DMD: variants seen among roughly 807,000 people sequenced by gnomAD.
DMD encodes mutant dystrophin.
In DMD, 63 loss-of-function variants were observed where a neutral mutation model predicts 330.1. The ratio of observed to expected loss-of-function variants is 0.19; its 90% CI spans 0.16 to 0.24. The LOEUF is 0.24. Ranked by LOEUF, DMD falls within the 10% of genes least tolerant of loss-of-function variation. The probability of loss-of-function intolerance (pLI) is 1.00; values close to 1 mark genes in which losing one functional copy is unlikely to be tolerated. For synonymous variants in DMD, 1,223 were observed against 959.8 expected, an observed-to-expected ratio of 1.27 and a Z score of -5.07; for missense variants, 3,344 against 2,684.1, an observed-to-expected ratio of 1.25 and a Z score of -5.43.
intron 1 of DMD, among the ~76,000 whole-genome samples, chrX:33,197,615 C>CTGTTCTTAA (rs1287347626): frequency 2.7e-5 from 3 of 112,054 alleles, no homozygotes; most frequent in Non-Finnish European, 5.6e-5. Context: ...CAACCAATAT[C>CTGTTCTTAA]TGTTCTTAAT....
At chrX:32,170,769 C>T (rs2096884853) in intron 44 of DMD, among the ~76,000 whole-genome samples, 2 of 110,410 alleles carry the variant, frequency 1.8e-5, no homozygotes, top group Admixed American at 9.8e-5. Context: ...TCTGTCTCTA[C>T]CAAATGAATA....
intron 1 of DMD, among the ~76,000 whole-genome samples, chrX:33,272,060 T>C (rs2053166737): frequency 9.1e-6 from 1 of 110,194 alleles, no homozygotes; most frequent in African/African-American, 3.3e-5. Context: ...ATTTTTGTAT[T>C]TTTAGTAGAG....
intron 42 of DMD, among the ~76,000 whole-genome samples, chrX:32,290,981 T>A (rs73462023): frequency 0.028 from 3,125 of 111,643 alleles, 118 homozygotes; most frequent in African/African-American, 0.095. Context: ...AGTAGACATA[T>A]CTGAGTAGTA....
intron 21 of DMD, among the ~76,000 whole-genome samples, chrX:32,482,489 C>T (rs990725526): frequency 8.9e-6 from 1 of 111,838 alleles, no homozygotes; most frequent in Non-Finnish European, 1.9e-5. Context: ...TACTTTCTCC[C>T]TTTTTATTGC....
intron 51 of DMD, among the ~76,000 whole-genome samples, chrX:31,743,750 G>A (rs1171423681): frequency 1.8e-5 from 2 of 111,887 alleles, no homozygotes; most frequent in African/African-American, 6.5e-5. Context: ...CTCAGTACCT[G>A]GGTGACAGTA....
intron 3 of DMD, among the ~76,000 whole-genome samples, chrX:32,846,261 C>G (rs1461639411): frequency 8.9e-6 from 1 of 111,944 alleles, no homozygotes; most frequent in Non-Finnish European, 1.9e-5. Flanking sequence ...TACCATATAA[C>G]TAATAATTGG....
chrX:33,274,808 C>T (rs773694954), intron 1 of DMD, among the ~76,000 whole-genome samples: 3 of 111,515 alleles, frequency 2.7e-5, no homozygotes, highest in African/African-American at 9.8e-5. Context: ...ATCTGTATAT[C>T]TGCCTCCTCC....
At chrX:32,108,823 A>G (rs1401103583) in intron 44 of DMD, among the ~76,000 whole-genome samples, 2 of 111,793 alleles carry the variant, frequency 1.8e-5, no homozygotes, top group Non-Finnish European at 3.8e-5. Context: ...ATTAGTTAAG[A>G]ACACAAGGAG....
chrX:31,403,054 C>T (rs1183510762), intron 60 of DMD, among the ~76,000 whole-genome samples: 1 of 111,803 alleles, frequency 8.9e-6, no homozygotes, highest in Non-Finnish European at 1.9e-5. Context: ...ATGCTAGTAT[C>T]ACTAGGAAAA....
chrX:33,238,501 T>C (rs900278698), intron 1 of DMD, among the ~76,000 whole-genome samples: 1 of 111,346 alleles, frequency 9.0e-6, no homozygotes, highest in Non-Finnish European at 1.9e-5. Context: ...CCCCTGTTTG[T>C]GTGTGTATGT....
chrX:33,269,345 C>T (rs1372717917), intron 1 of DMD, among the ~76,000 whole-genome samples: 1 of 110,868 alleles, frequency 9.0e-6, no homozygotes, highest in East Asian at 2.8e-4. Flanking sequence ...GAACAGAAAA[C>T]CAAATGCCAC....
intron 49 of DMD, among the ~76,000 whole-genome samples, chrX:31,824,094 T>A (rs751807533): frequency 9.0e-6 from 1 of 111,499 alleles, no homozygotes; most frequent in African/African-American, 3.3e-5. Flanking sequence ...CAAAAAACCC[T>A]GCTGATCATA....
chrX:32,040,929 T>C (rs1229907237), intron 44 of DMD, among the ~76,000 whole-genome samples: 3 of 111,106 alleles, frequency 2.7e-5, no homozygotes, highest in Admixed American at 9.6e-5. Flanking sequence ...CGTGCATCCA[T>C]AAGATAACAA....
At position 32,287,607 on chromosome X, in the gene DMD, C is replaced by T. The variant is rs774825173; in HGVS notation, c.6212G>A (p.Arg2071Lys). 24 of 1,208,697 alleles carry T rather than the reference C, an allele frequency of 2.0e-5. No homozygotes were observed. Among genetic ancestry groups the T allele is most frequent in the Non-Finnish European group, 2.7e-5 (24 of 894,385 alleles). Reference sequence around the variant, plus strand: ...GGAGAGAGCTTCCTGTAGCTTCACCCTTTCCACAGGCGTTGCACTTTGCAA... The same window carrying T: ...GGAGAGAGCTTCCTGTAGCTTCACCTTTTCCACAGGCGTTGCACTTTGCAA... ...AALQSATPVERVKLQEALSQL... is the reference protein window; with the variant it reads ...AALQSATPVEKVKLQEALSQL... The change falls in exon 43 of 79, where the codon AGG becomes AAG. Residue 2071 changes from arginine to lysine, a missense_variant. Physicochemically the swap from Arg to Lys is conservative, Grantham distance 26. Transcript: ENST00000357033.
chrX:32,121,090 C>G (rs1199978218), intron 44 of DMD, among the ~76,000 whole-genome samples: 8 of 112,303 alleles, frequency 7.1e-5, no homozygotes, highest in African/African-American at 1.3e-4. Flanking sequence ...GTGCAGAACT[C>G]TGTGTGGCTT....
At chrX:31,602,321 G>GTTT (rs773800072) in intron 55 of DMD, among the ~76,000 whole-genome samples, 1 of 91,877 alleles carries the variant, frequency 1.1e-5, no homozygotes, top group Non-Finnish European at 2.2e-5. Context: ...CCTTTCTCCA[G>GTTT]TTTTTTTTTT....
intron 1 of DMD, among the ~76,000 whole-genome samples, chrX:33,059,287 ATAT>A (rs1288206906): frequency 9.0e-6 from 1 of 111,133 alleles, no homozygotes; most frequent in Non-Finnish European, 1.9e-5. Context: ...GTCTCGTCTA[ATAT>A]TCTTTTATCC....
At chrX:33,091,922 G>T (rs1463713824) in intron 1 of DMD, among the ~76,000 whole-genome samples, 1 of 111,595 alleles carries the variant, frequency 9.0e-6, no homozygotes, top group Non-Finnish European at 1.9e-5. Context: ...TCCCAAACCT[G>T]AATTAAATAA....
At chrX:33,304,086 G>T (rs1030048454) in intron 1 of DMD, among the ~76,000 whole-genome samples, 1 of 110,754 alleles carries the variant, frequency 9.0e-6, no homozygotes, top group Non-Finnish European at 1.9e-5. Context: ...GATGTAAAAT[G>T]ATGTTATATT....
Sources: gnomAD v4.1 joint callset for allele counts (sites outside exome capture counted in the v4.1 genomes callset) on GRCh38, gnomAD v4.1.1 for gene constraint, MANE v1.5 for transcripts, NCBI Gene and HGNC (gene_info 2026-07-23, HGNC 2026-07-21) for gene names.